Variants in NAALADL2 observed in about 807,000 individuals in gnomAD.
NAALADL2 encodes the protein inactive N-acetylated-alpha-linked acidic dipeptidase-like protein 2.
A neutral mutation model predicts 87.2 loss-of-function variants in NAALADL2; 76 were observed. The ratio of observed to expected loss-of-function variants is 0.87; its 90% CI spans 0.72 to 1.05. The LOEUF (loss-of-function observed/expected upper bound fraction) is 1.05. Among genes scored for constraint, NAALADL2 ranks in the 50% least tolerant of loss-of-function variants. NAALADL2 has a pLI of 0.00. For missense variants in NAALADL2, 1,089 were observed against 945.8 expected (o/e 1.15, Z -1.99); for synonymous variants, 354 against 331.0 (o/e 1.07, Z -0.75).
intron 5 of NAALADL2, among the ~76,000 whole-genome samples, chr3:175,353,118 GTGTGTGTGTGTGT>G (rs141840593): frequency 0.06 from 9,152 of 151,622 alleles, 904 homozygotes; most frequent in African/African-American, 0.21. Context: ...ATGTGTGTGT[GTGTGTGTGTGTGT>G]GTGTGTGTTT....
chr3:174,956,498 A>C (rs1447521534), intron 1 of NAALADL2, among the ~76,000 whole-genome samples: 1 of 152,106 alleles, frequency 6.6e-6, no homozygotes, highest in Non-Finnish European at 1.5e-5. Flanking sequence ...CCTATAAAAT[A>C]ATAAAAATAA....
At chr3:175,627,637 C>G (rs1274078811) in intron 11 of NAALADL2, among the ~76,000 whole-genome samples, 1 of 151,564 alleles carries the variant, frequency 6.6e-6, no homozygotes, top group Non-Finnish European at 1.5e-5. Flanking sequence ...TGAGTTTATT[C>G]ATGGTATGAT....
chr3:174,977,818 A>G (rs1744561339), intron 1 of NAALADL2, among the ~76,000 whole-genome samples: 1 of 152,214 alleles, frequency 6.6e-6, no homozygotes. Flanking sequence ...CACTGACTAC[A>G]CAGAATATGT....
At chr3:174,943,922 A>G (rs6783768) in intron 1 of NAALADL2, among the ~76,000 whole-genome samples, 6,282 of 152,150 alleles carry the variant, frequency 0.041, 440 homozygotes, top group African/African-American at 0.14. Flanking sequence ...CTGCCCAGGG[A>G]GTTGCTGAGT....
chr3:175,698,455 A>ATTTT (rs1446817167), intron 11 of NAALADL2, among the ~76,000 whole-genome samples: 1 of 125,734 alleles, frequency 8.0e-6, no homozygotes, highest in African/African-American at 3.7e-5. Context: ...ATGTATACAT[A>ATTTT]TATGTGTATA....
intron 3 of NAALADL2, among the ~76,000 whole-genome samples, chr3:174,751,823 T>C (rs1365984295): frequency 1.3e-5 from 2 of 151,834 alleles, no homozygotes; most frequent in African/African-American, 4.8e-5. Flanking sequence ...CCTATGCTAT[T>C]CATAAGTGAT....
intron 2 of NAALADL2, among the ~76,000 whole-genome samples, chr3:174,625,932 A>G (rs975190057): frequency 2.6e-5 from 4 of 152,100 alleles, no homozygotes; most frequent in African/African-American, 7.2e-5. Context: ...GTTGTGGAAT[A>G]CAGGTTAAGT....
At chr3:175,104,196 GT>G (rs1722709152) in intron 2 of NAALADL2, among the ~76,000 whole-genome samples, 1 of 152,084 alleles carries the variant, frequency 6.6e-6, no homozygotes, top group African/African-American at 2.4e-5. Flanking sequence ...AATTGAGCAA[GT>G]TTCCTGTTCA....
intron 1 of NAALADL2, among the ~76,000 whole-genome samples, chr3:174,946,580 TTC>T (rs1739457665): frequency 6.6e-6 from 1 of 152,242 alleles, no homozygotes; most frequent in Non-Finnish European, 1.5e-5. Flanking sequence ...TGAATGTATT[TTC>T]TTTTATTAAT....
At chr3:174,885,902 T>G (rs1730069738) in intron 1 of NAALADL2, among the ~76,000 whole-genome samples, 1 of 39,562 alleles carries the variant, frequency 2.5e-5, no homozygotes, top group African/African-American at 1.4e-4. Context: ...TTTTTTTTTT[T>G]TTTTTTTTTT....
chr3:175,199,831 TATATATATATATATATATATATATA>T lies in NAALADL2; in HGVS notation c.546-34099_546-34075del, dbSNP rs1739559417. 4.0e-4 allele frequency among the ~76,000 whole-genome samples: 4 copies of T among 9,924 alleles called. 1 individual carries two copies. Among genetic ancestry groups the T allele is most frequent in the Admixed American group, 3.0e-3 (3 of 1,006 alleles). 6.5% of individuals were successfully genotyped at this position (9,924 alleles called of 152,430 possible). A position where few individuals can be genotyped will look rare whatever the true frequency, so the allele number is the denominator to read the frequency against. ...TAGGGGGGAAAGAAATATATATATA[TATATATATATATATATATATATATA>T]TATATATATTTTTTTTTTTTTTTTT... On this transcript the variant is annotated intron_variant, in intron 2 of 13. Coordinates refer to ENST00000454872, the MANE Select transcript of NAALADL2 (RefSeq NM_207015.3).
intron 4 of NAALADL2, among the ~76,000 whole-genome samples, chr3:175,288,082 GT>G (rs1012683536): frequency 1.3e-5 from 2 of 152,134 alleles, no homozygotes; most frequent in Admixed American, 1.3e-4. Flanking sequence ...ATGTCTACAT[GT>G]TTTTTTGTTT....
At chr3:174,642,873 CGT>C (rs1578406918) in intron 2 of NAALADL2, among the ~76,000 whole-genome samples, 1 of 151,664 alleles carries the variant, frequency 6.6e-6, no homozygotes, top group East Asian at 1.9e-4. Context: ...GCCTCAACCT[CGT>C]GGGCTCAAAT....
Position 175,205,049 on chromosome 3 carries a change from AT to A in NAALADL2, c.546-28881del, listed in dbSNP as rs1740618229. On this transcript the variant is annotated intron_variant, in intron 2 of 13. Transcript: ENST00000454872. The stretch of plus-strand genomic sequence containing the variant: ...CTGCCAAAAGCAATCTACAAATTCA[AT>A]ATAATTCCCATCAAAATACCACCAT... Among the ~76,000 whole-genome samples, 4 of 152,128 alleles carry A rather than the reference AT, an allele frequency of 2.6e-5. No individual in the cohort carries two copies. In the South Asian group the frequency reaches 8.3e-4, roughly 31 times the overall value.
At chr3:175,360,258 C>T (rs931381603) in intron 5 of NAALADL2, among the ~76,000 whole-genome samples, 13 of 152,046 alleles carry the variant, frequency 8.6e-5, no homozygotes, top group African/African-American at 2.2e-4. Context: ...ATTTGTTTCT[C>T]TACTTGTTTA....
chr3:175,553,187 A>C (rs1041876526), intron 9 of NAALADL2, among the ~76,000 whole-genome samples: 5 of 152,314 alleles, frequency 3.3e-5, no homozygotes, highest in Non-Finnish European at 5.9e-5. Context: ...TCAATATATC[A>C]GTTATTTCAT....
rs115426904 is a variant in NAALADL2, at chr3:175,772,015, C to T, written c.2189+16597C>T. ...ATGATTCAGTTACCCTCTACTGGGTCCCTCCCAAGACATGTGGGGATTATG... is the reference window on the plus strand; with the variant it reads ...ATGATTCAGTTACCCTCTACTGGGTTCCTCCCAAGACATGTGGGGATTATG... On this transcript the variant is annotated intron_variant, in intron 13 of 13. Transcript: ENST00000454872. Among the ~76,000 whole-genome samples, 271 of 152,234 alleles carry T rather than the reference C, an allele frequency of 1.8e-3. 2 individuals carry two copies. Among genetic ancestry groups the T allele is most frequent in the African/African-American group, 6.3e-3 (263 of 41,546 alleles).
At chr3:175,714,091 T>C (rs963247208) in intron 11 of NAALADL2, among the ~76,000 whole-genome samples, 1 of 152,184 alleles carries the variant, frequency 6.6e-6, no homozygotes, top group African/African-American at 2.4e-5. Context: ...TAGTATTCCA[T>C]GGTGTATATG....
intron 1 of NAALADL2, among the ~76,000 whole-genome samples, chr3:174,452,753 G>C (rs1404925145): frequency 6.7e-6 from 1 of 149,126 alleles, no homozygotes; most frequent in African/African-American, 2.5e-5. Context: ...TCATCAAATA[G>C]CATAAAAGAA....
Sources: gnomAD v4.1 joint callset for allele counts (sites outside exome capture counted in the v4.1 genomes callset) on GRCh38, gnomAD v4.1.1 for gene constraint, MANE v1.5 for transcripts, NCBI Gene and HGNC (gene_info 2026-07-23, HGNC 2026-07-21) for gene names.